The following NLRC3 variants were observed in gnomAD, a reference collection of about 807,000 sequenced individuals.
The protein encoded by NLRC3 is NLR family CARD domain containing 3.
In NLRC3, 87 loss-of-function variants were observed where a neutral mutation model predicts 91.6. The observed-to-expected ratio is 0.95, with a 90% confidence interval of 0.80 to 1.14. The LOEUF is 1.14. Among genes scored for constraint, NLRC3 ranks in the 50% most tolerant of loss-of-function variants. The pLI, the probability that NLRC3 is intolerant of heterozygous loss-of-function variation, is 0.00. For missense variants in NLRC3, 1,577 were observed against 1,418.6 expected (o/e 1.11, Z -1.79); for synonymous variants, 694 against 625.3 (o/e 1.11, Z -1.64).
chr16:3,543,494 G>A lies in NLRC3; in HGVS notation c.2870C>T (p.Ser957Leu), dbSNP rs774810710. 6.2e-7 allele frequency: 1 copy of A among 1,612,838 alleles called. No individual in the cohort carries two copies. Among genetic ancestry groups the A allele is most frequent in the South Asian group, 1.1e-5 (1 of 90,898 alleles). The change falls in exon 17 of 20, where the codon TCA becomes TTA. Residue 957 changes from serine to leucine, a missense_variant. Coordinates refer to ENST00000359128, the MANE Select transcript of NLRC3 (RefSeq NM_178844.4). ...CACCTGGGCGCCTGAAGCACCAATT[G>A]AGGCCACCTGGAGACTGGGGCGGAG... ...ALTALYLQVA[S>L]IGASGAQVLG...
intron 11 of NLRC3, among the ~76,000 whole-genome samples, chr16:3,550,161 C>G (rs1029685288): frequency 1.3e-5 from 2 of 152,182 alleles, no homozygotes; most frequent in Non-Finnish European, 2.9e-5. Flanking sequence ...AGCTGACTCC[C>G]TCTCCAGCCA....
rs562512741 is a variant in NLRC3 at position 3,559,703 on chromosome 16, A to G, written c.2015+1999T>C. Among the ~76,000 whole-genome samples, 6 of 150,090 alleles carry G rather than the reference A, an allele frequency of 4.0e-5. No homozygotes were observed. In the East Asian group the frequency reaches 1.2e-3, roughly 29 times the overall value. ...ACCTCGGCTGGAGTGCAGTGGCGCA[A>G]TCTTGGCTCACTGCAACTTCTGCCT... On this transcript the variant is annotated intron_variant, in intron 6 of 19. Transcript: ENST00000359128.
chr16:3,564,336 C>T lies in NLRC3; in HGVS notation c.601G>A (p.Val201Ile), dbSNP rs777640003. The change falls in exon 5 of 20, where the codon GTC (valine) becomes ATC (isoleucine). Residue 201 changes from valine to isoleucine, a missense_variant. By Grantham distance (29) the Val-to-Ile change is conservative (BLOSUM62 3). Coordinates refer to ENST00000359128, the MANE Select transcript of NLRC3 (RefSeq NM_178844.4). This position sits in a 1 kb window ranked among gnomAD's most constrained non-coding sequence, Gnocchi z 5.9. ...GCCACCGCCAGGCTGGGCTCCCCGA[C>T]GTGCGGGAAGACCGAGCAGATGAGT... ...DRLICSVFPH[V>I]GEPSLAVAVP... The T allele has an allele frequency of 3.2e-5, 52 of 1,611,642 alleles. No homozygotes were observed. Among genetic ancestry groups the T allele is most frequent in the East Asian group, 6.7e-5 (3 of 44,866 alleles).
Position 3,541,591 on chromosome 16 carries a change from C to T in NLRC3, c.*234G>A, listed in dbSNP as rs2038395544. The T allele has an allele frequency of 1.8e-6, 1 of 549,822 alleles. No homozygotes were observed. The highest frequency in any genetic ancestry group is 3.0e-5 in the East Asian group (1 of 33,136). The allele number at this position is 549,822 out of a possible 1,614,324, so 34.1% of individuals were successfully genotyped here. A position where few individuals can be genotyped will look rare whatever the true frequency, so the allele number is the denominator to read the frequency against. ...CCCTAGTCCCTTGGGGGTGGCCCCT[C>T]CCTTCTCTGTGCCATAACAGAGTAC... On this transcript the variant is annotated 3_prime_UTR_variant, in exon 20 of 20. Coordinates refer to ENST00000359128, the MANE Select transcript of NLRC3 (RefSeq NM_178844.4).
intron 6 of NLRC3, 121 bp downstream of exon 6, chr16:3,561,581 A>G: frequency 1.5e-6 from 1 of 659,352 alleles, no homozygotes; most frequent in Non-Finnish European, 2.7e-6. Context: ...CTGGAGCCAC[A>G]TGCTCCAAAG....
In NLRC3 at chr16:3,541,537, C is replaced by T; in HGVS notation, c.*288G>A. 1 of 433,686 alleles carries T rather than the reference C, an allele frequency of 2.3e-6. No individual in the cohort carries two copies. Among genetic ancestry groups the T allele is most frequent in the East Asian group, 4.1e-5 (1 of 24,462 alleles). The allele number at this position is 433,686 out of a possible 1,614,324, so 26.9% of individuals were successfully genotyped here. On this transcript the variant is annotated 3_prime_UTR_variant, in exon 20 of 20. Coordinates refer to ENST00000359128, the MANE Select transcript of NLRC3 (RefSeq NM_178844.4). ...AGGGTGTAAAGCTGGAACCAGCCTC[C>T]TGTACTGCTCAGCTTTCAGGCCTTT...
At chr16:3,573,745 T>C (rs373251433) in intron 1 of NLRC3, among the ~76,000 whole-genome samples, 1 of 152,144 alleles carries the variant, frequency 6.6e-6, no homozygotes, top group African/African-American at 2.4e-5. Flanking sequence ...TTTGGTAAAA[T>C]ACACATAACA....
chr16:3,576,276 C>T (rs2040288302), intron 1 of NLRC3, among the ~76,000 whole-genome samples: 2 of 152,204 alleles, frequency 1.3e-5, no homozygotes. Flanking sequence ...TCCGAGAAGG[C>T]CTCTGCGGTT....
chr16:3,556,947 T>C lies in NLRC3; in HGVS notation c.2147A>G (p.Asp716Gly). ...CAGGGTGCGGTTGATCTTCAAAGCG[T>C]CTGCCAGCGCCTTGGCCCCTTGTGG... is the stretch of plus-strand genomic sequence containing the variant. ...IGPQGAKALA[D>G]ALKINRTLTS... Residue 716 changes from aspartate to glycine, a missense_variant, in exon 8 of 20, where the codon GAC (aspartate) becomes GGC (glycine). Transcript: ENST00000359128. 1 of 1,613,814 alleles carries C rather than the reference T, an allele frequency of 6.2e-7. No homozygotes were observed. Among genetic ancestry groups the C allele is most frequent in the Non-Finnish European group, 8.5e-7 (1 of 1,179,804 alleles).
At chr16:3,575,621 A>T (rs894624720) in intron 1 of NLRC3, among the ~76,000 whole-genome samples, 1 of 152,154 alleles carries the variant, frequency 6.6e-6, no homozygotes, top group Admixed American at 6.5e-5. Flanking sequence ...GCGAAGGTGA[A>T]CCTGAGGCCT....
At chr16:3,556,283 A>C (rs2039315725) in intron 8 of NLRC3, among the ~76,000 whole-genome samples, 1 of 121,414 alleles carries the variant, frequency 8.2e-6, no homozygotes, top group Non-Finnish European at 1.6e-5. Flanking sequence ...GTGAGACAAG[A>C]TCTCCAGCCT....
rs373104014 is a variant in NLRC3, at chr16:3,549,220, C to G, written c.2525G>C (p.Arg842Pro). The G allele has an allele frequency of 6.3e-7, 1 of 1,578,038 alleles. No individual in the cohort carries two copies. Among genetic ancestry groups the G allele is most frequent in the Admixed American group, 1.8e-5 (1 of 54,340 alleles). The change falls in exon 13 of 20, where the codon CGA (arginine) becomes CCA (proline). Residue 842 changes from arginine (R) to proline (P), a missense_variant. By Grantham distance (103) the Arg-to-Pro change is moderately radical. Transcript: ENST00000359128. ...TCCCTCGGGACTGATGGAGTTTTCT[C>G]GAAGGCTGAAAAAAAAGGAAAGACC... ...TNQTLLSLSL[R>P]ENSISPEGAQ...
At position 3,571,713 on chromosome 16, in the gene NLRC3, G is replaced by A. The variant is rs186545229; in HGVS notation, c.-168-4389C>T. On this transcript the variant is annotated intron_variant, in intron 1 of 19. Coordinates refer to ENST00000359128, the MANE Select transcript of NLRC3 (RefSeq NM_178844.4). ...TCCCAGCACTTTGGGAGGCTGAGGC[G>A]GGTGGATCACAAGGTCAAGAGATCA... 6.7e-3 allele frequency among the ~76,000 whole-genome samples: 1,020 copies of A among 151,726 alleles called. 16 individuals carry two copies. The highest frequency in any genetic ancestry group is 0.023 in the African/African-American group (961 of 41,462).
intron 14 of NLRC3, 98 bp downstream of exon 14, chr16:3,548,572 G>T: frequency 1.1e-6 from 1 of 908,776 alleles, no homozygotes; most frequent in Non-Finnish European, 1.7e-6. Context: ...TGCAGGGGGT[G>T]TCCCCAAACC....
chr16:3,560,857 C>G (rs896998018), intron 6 of NLRC3, among the ~76,000 whole-genome samples: 1 of 151,524 alleles, frequency 6.6e-6, no homozygotes, highest in Admixed American at 6.6e-5. Context: ...GACAGGGTTT[C>G]ACCGTGTTAG....
At position 3,552,130 on chromosome 16, in the gene NLRC3, T is replaced by C. The variant is rs555965516; in HGVS notation, c.2351+66A>G. 10 of 958,866 alleles carry C rather than the reference T, an allele frequency of 1.0e-5. No homozygotes were observed. In the Admixed American group the frequency reaches 1.8e-4, roughly 17 times the overall value. The allele number at this position is 958,866 out of a possible 1,614,324, so 59.4% of individuals were successfully genotyped here. A position where few individuals can be genotyped will look rare whatever the true frequency, so the allele number is the denominator to read the frequency against. Reference sequence around the variant, plus strand: ...CCATCCATCCTCAGGCTCACAAATATTTGTGCTGGGTTGGGCATTGTGCTG... The same window carrying C: ...CCATCCATCCTCAGGCTCACAAATACTTGTGCTGGGTTGGGCATTGTGCTG... On this transcript the variant is annotated intron_variant, in intron 10 of 19. Transcript: ENST00000359128.
chr16:3,572,108 T>A (rs1176118129), intron 1 of NLRC3, among the ~76,000 whole-genome samples: 3 of 151,954 alleles, frequency 2.0e-5, no homozygotes, highest in Non-Finnish European at 4.4e-5. Context: ...AACAGAATTA[T>A]GAACCCCAAA....
At chr16:3,560,620 A>G (rs138504209) in intron 6 of NLRC3, among the ~76,000 whole-genome samples, 6 of 152,230 alleles carry the variant, frequency 3.9e-5, no homozygotes, top group African/African-American at 1.4e-4. Context: ...ACTTTTGTCT[A>G]ATTACAAGAT....
At chr16:3,569,400 T>A (rs113230023) in intron 1 of NLRC3, among the ~76,000 whole-genome samples, 189 of 76,842 alleles carry the variant, frequency 2.5e-3, no homozygotes, top group East Asian at 9.0e-3. Flanking sequence ...ATATATTATT[T>A]TTTTTTTTTT....
Sources: allele counts gnomAD v4.1 joint callset (sites outside exome capture counted in the v4.1 genomes callset), GRCh38; gene constraint gnomAD v4.1.1; non-coding constraint Gnocchi (gnomAD v3.1); transcripts MANE v1.5; gene names NCBI Gene and HGNC (gene_info 2026-07-23, HGNC 2026-07-21).